PDE11A: variants seen among roughly 807,000 people sequenced by gnomAD.
PDE11A encodes the protein phosphodiesterase 11A, also known as dual 3',5'-cyclic-AMP and -GMP phosphodiesterase 11A.
A neutral mutation model predicts 100.5 loss-of-function variants in PDE11A; 100 were observed. The ratio of observed to expected loss-of-function variants is 1.00; its 90% CI spans 0.85 to 1.18. The LOEUF (loss-of-function observed/expected upper bound fraction) is 1.18. Ranked by LOEUF, PDE11A falls within the 50% of genes most tolerant of loss-of-function variation. The pLI is 0.00. For synonymous variants in PDE11A, 381 were observed against 420.8 expected (o/e 0.91, Z 1.16); for missense variants, 1,141 against 1,152.6 (o/e 0.99, Z 0.15).
intron 1 of PDE11A, among the ~76,000 whole-genome samples, chr2:178,046,847 G>A (rs1190763928): frequency 6.6e-6 from 1 of 152,140 alleles, no homozygotes; most frequent in Admixed American, 6.5e-5. Context: ...CCTCAGAGAT[G>A]TCTGGAGACT....
chr2:177,832,198 T>G (rs1472281311), intron 6 of PDE11A, among the ~76,000 whole-genome samples: 1 of 152,190 alleles, frequency 6.6e-6, no homozygotes, highest in Non-Finnish European at 1.5e-5. Flanking sequence ...TTAACTTGAT[T>G]GGATTCCAGG....
At chr2:177,752,516 G>T (rs531945267) in intron 10 of PDE11A, among the ~76,000 whole-genome samples, 51 of 152,228 alleles carry the variant, frequency 3.4e-4, no homozygotes, top group African/African-American at 1.2e-3. Flanking sequence ...TATAACTCAG[G>T]TCTCCTGAAT....
intron 9 of PDE11A, among the ~76,000 whole-genome samples, chr2:177,802,062 A>C (rs147824135): frequency 0.01 from 1,576 of 152,240 alleles, 10 homozygotes; most frequent in Non-Finnish European, 0.017. Flanking sequence ...AAAATTGGAC[A>C]GCTCACAAAA....
chr2:177,936,895 C>T (rs1372835935), intron 2 of PDE11A, among the ~76,000 whole-genome samples: 1 of 151,538 alleles, frequency 6.6e-6, no homozygotes, highest in African/African-American at 2.4e-5. Context: ...GCACTCCAGC[C>T]TTGGTGACAA....
intron 10 of PDE11A, among the ~76,000 whole-genome samples, chr2:177,733,735 T>C (rs987619177): frequency 1.3e-5 from 2 of 152,134 alleles, no homozygotes; most frequent in African/African-American, 4.8e-5. Flanking sequence ...TGAGCTGTGG[T>C]GATGTGGAAG....
intron 4 of PDE11A, among the ~76,000 whole-genome samples, chr2:177,889,622 T>G (rs2084497722): frequency 6.6e-6 from 1 of 151,994 alleles, no homozygotes; most frequent in Admixed American, 6.6e-5. Flanking sequence ...ATTTTCAATT[T>G]TATTATTTGT....
At chr2:177,736,775 A>G (rs1393358700) in intron 10 of PDE11A, among the ~76,000 whole-genome samples, 1 of 152,152 alleles carries the variant, frequency 6.6e-6, no homozygotes, top group Non-Finnish European at 1.5e-5. Flanking sequence ...GAAACCTCTC[A>G]TTATTTGCAC....
At chr2:178,075,742 C>T (rs2087199912), upstream of PDE11A, among the ~76,000 whole-genome samples, 1 of 151,726 alleles carries the variant, frequency 6.6e-6, no homozygotes, top group Admixed American at 6.6e-5. Context: ...TAGGAGGGGA[C>T]AAAGCAGGAT....
chr2:177,847,888 A>T (rs2083628515), intron 5 of PDE11A, among the ~76,000 whole-genome samples: 1 of 152,152 alleles, frequency 6.6e-6, no homozygotes, highest in Non-Finnish European at 1.5e-5. Context: ...ATGCCCATTC[A>T]CATTAGACGA....
chr2:177,844,229 A>C (rs1388307123), intron 5 of PDE11A, among the ~76,000 whole-genome samples: 1 of 152,182 alleles, frequency 6.6e-6, no homozygotes, highest in African/African-American at 2.4e-5. Context: ...AGATCAAGGC[A>C]CTGGCAGATT....
chr2:178,013,462 C>A (rs369902738), intron 2 of PDE11A, among the ~76,000 whole-genome samples: 3 of 152,140 alleles, frequency 2.0e-5, no homozygotes, highest in African/African-American at 7.2e-5. Context: ...TTCATGTTGA[C>A]CTTCTGTGCC....
At chr2:177,932,593 G>T (rs2085221266) in intron 2 of PDE11A, among the ~76,000 whole-genome samples, 1 of 151,956 alleles carries the variant, frequency 6.6e-6, no homozygotes, top group Non-Finnish European at 1.5e-5. Flanking sequence ...TGAGGAAAAA[G>T]CTCTTGATAA....
At chr2:177,710,302 C>T (rs1164779456) in intron 13 of PDE11A, among the ~76,000 whole-genome samples, 2 of 150,460 alleles carry the variant, frequency 1.3e-5, no homozygotes, top group Non-Finnish European at 3.0e-5. Flanking sequence ...AGAGAATTCT[C>T]GATTGATGGC....
intron 10 of PDE11A, among the ~76,000 whole-genome samples, chr2:177,745,973 G>T (rs1409712152): frequency 6.6e-6 from 1 of 152,152 alleles, no homozygotes; most frequent in Non-Finnish European, 1.5e-5. Context: ...TACCTGTGGG[G>T]CCTCAATGCC....
chr2:177,816,846 G>C lies in PDE11A; in HGVS notation c.1720C>G (p.Gln574Glu). 1 of 1,593,648 alleles carries C rather than the reference G, an allele frequency of 6.3e-7. No homozygotes were observed. Among genetic ancestry groups the C allele is most frequent in the Non-Finnish European group, 8.6e-7 (1 of 1,161,376 alleles). The change falls in exon 9 of 20, where the codon CAG becomes GAG. Residue 574 changes from glutamine (Q) to glutamate (E), a missense_variant. Coordinates refer to ENST00000286063, the MANE Select transcript of PDE11A (RefSeq NM_016953.4). ...GTACTTACATCAAGAGCCACAGACT[G>C]CTTGGCCCAGGACTTCTTCACTTGA... Reference protein sequence around the residue: ...YDQVKKSWAKQSVALDVLSYH... With the variant: ...YDQVKKSWAKESVALDVLSYH...
At chr2:177,719,850 A>G (rs1277796210) in intron 12 of PDE11A, among the ~76,000 whole-genome samples, 2 of 152,296 alleles carry the variant, frequency 1.3e-5, no homozygotes, top group Admixed American at 6.5e-5. Context: ...TAAATGCCAC[A>G]AACAAGATGC....
At chr2:177,800,271 G>A (rs1420089324) in intron 9 of PDE11A, among the ~76,000 whole-genome samples, 3 of 151,768 alleles carry the variant, frequency 2.0e-5, no homozygotes, top group Non-Finnish European at 4.4e-5. Flanking sequence ...CAGGGCTCAA[G>A]GGATCCTGCC....
chr2:177,733,669 G>C (rs1178376028), intron 10 of PDE11A, among the ~76,000 whole-genome samples: 1 of 152,134 alleles, frequency 6.6e-6, no homozygotes, highest in Non-Finnish European at 1.5e-5. Flanking sequence ...TAATCCTCTG[G>C]ACAAAAAGCA....
intron 2 of PDE11A, among the ~76,000 whole-genome samples, chr2:177,943,374 A>G (rs953791532): frequency 8.6e-5 from 13 of 151,520 alleles, no homozygotes; most frequent in Non-Finnish European, 1.5e-4. Context: ...CCATATCCCT[A>G]CTAACATTTG....
Sources: gnomAD v4.1 joint callset for allele counts (sites outside exome capture counted in the v4.1 genomes callset) on GRCh38, gnomAD v4.1.1 for gene constraint, MANE v1.5 for transcripts, NCBI Gene and HGNC (gene_info 2026-07-23, HGNC 2026-07-21) for gene names.